The following RARS2 variants were observed in gnomAD, a reference collection of about 807,000 sequenced individuals.
RARS2 encodes arginyl-tRNA synthetase 2, mitochondrial, also known as probable arginine--tRNA ligase, mitochondrial.
In RARS2, 67 loss-of-function variants were observed where a neutral mutation model predicts 88.5. The ratio of observed to expected loss-of-function variants is 0.76; its 90% CI spans 0.62 to 0.93. RARS2 has a LOEUF of 0.93. Among genes scored for constraint, RARS2 ranks in the 40% least tolerant of loss-of-function variants. The pLI, the probability that RARS2 is intolerant of heterozygous loss-of-function variation, is 0.00. For missense variants in RARS2, 664 were observed against 684.2 expected (o/e 0.97, Z 0.33); for synonymous variants, 239 against 230.3 (o/e 1.04, Z -0.34).
In RARS2 at chr6:87,589,949, G is replaced by A. The variant is rs762495974; in HGVS notation, c.9C>T (p.Cys3=). ...GGCAAGCAATAGCGCGGCGAAAGCC[G>A]CACGCCATGTCCACCTCTACGGAAG... MA[C]GFRRAIACQL... is the part of the protein sequence containing the mutation. Residue 3 remains cysteine (C), a synonymous_variant, in exon 1 of 20, where the codon TGC becomes TGT. Coordinates refer to ENST00000369536, the MANE Select transcript of RARS2 (RefSeq NM_020320.5). 1.2e-5 allele frequency: 19 copies of A among 1,609,598 alleles called. No homozygotes were observed. The highest frequency in any genetic ancestry group is 2.2e-5 in the East Asian group (1 of 44,500).
chr6:87,538,205 G>A (rs745426937), intron 8 of RARS2, among the ~76,000 whole-genome samples: 7 of 152,204 alleles, frequency 4.6e-5, no homozygotes, highest in Non-Finnish European at 8.8e-5. Context: ...AAGAGCAACT[G>A]AATACTCTAA....
rs548675653 is a variant in RARS2, at chr6:87,546,878, C to G, written c.452-1179G>C. On this transcript the variant is annotated intron_variant, in intron 6 of 19. Coordinates refer to ENST00000369536, the MANE Select transcript of RARS2 (RefSeq NM_020320.5). Reference sequence around the variant, plus strand: ...TCTATAAAGTCCCTGCAACTGGAACCTGTTTTTCCAGCTGGCACACAGATG... The same window carrying G: ...TCTATAAAGTCCCTGCAACTGGAACGTGTTTTTCCAGCTGGCACACAGATG... Among the ~76,000 whole-genome samples, 3 of 152,290 alleles carry G rather than the reference C, an allele frequency of 2.0e-5. No homozygotes were observed. The South Asian group carries it at 6.2e-4, about 32-fold the overall frequency.
intron 1 of RARS2, among the ~76,000 whole-genome samples, chr6:87,577,891 G>A (rs1328343764): frequency 1.3e-5 from 2 of 152,096 alleles, no homozygotes; most frequent in Non-Finnish European, 2.9e-5. Context: ...TTTTCTTACT[G>A]TAAAAACCTC....
rs537196276 is a variant in RARS2 at position 87,530,813 on chromosome 6, T to C, written c.742A>G (p.Ser248Gly). 6 of 1,614,162 alleles carry C rather than the reference T, an allele frequency of 3.7e-6. No individual in the cohort carries two copies. In the South Asian group the frequency reaches 5.5e-5, roughly 15 times the overall value. The change falls in exon 9 of 20, where the codon AGC (serine) becomes GGC (glycine). Residue 248 changes from serine to glycine, a missense_variant. Coordinates refer to ENST00000369536, the MANE Select transcript of RARS2 (RefSeq NM_020320.5). ...LSLWQKFRDL[S>G]IEEYIRVYKR... ...TAAACCCGAATGTACTCTTCAATGC[T>C]CAAGTCCCGAAATTTTTGCCACAGT...
At chr6:87,576,250 T>C (rs113861370) in intron 1 of RARS2, among the ~76,000 whole-genome samples, 12,706 of 116,308 alleles carry the variant, frequency 0.11, 3,615 homozygotes, top group African/African-American at 0.23. Flanking sequence ...GAGTGACATT[T>C]ACAGGTATAA....
intron 2 of RARS2, among the ~76,000 whole-genome samples, chr6:87,567,122 T>C (rs1175299563): frequency 6.6e-6 from 1 of 151,958 alleles, no homozygotes; most frequent in African/African-American, 2.4e-5. Flanking sequence ...CATGGTGGTG[T>C]GTGCCTGTAA....
intron 2 of RARS2, among the ~76,000 whole-genome samples, chr6:87,565,967 T>C (rs1767736244): frequency 6.6e-6 from 1 of 152,198 alleles, no homozygotes; most frequent in African/African-American, 2.4e-5. Context: ...CAGTCCACAA[T>C]GACCATTAAG....
chr6:87,518,979 A>T, intron 14 of RARS2, 88 bp from the exon 15 acceptor site: 1 of 1,243,500 alleles, frequency 8.0e-7, no homozygotes, highest in Non-Finnish European at 1.2e-6. Flanking sequence ...CCAAAAATGT[A>T]TGCTGACAAT....
intron 2 of RARS2, among the ~76,000 whole-genome samples, chr6:87,568,974 C>T (rs745446959): frequency 5.3e-5 from 8 of 152,112 alleles, no homozygotes; most frequent in Non-Finnish European, 1.0e-4. Context: ...TTTAGGATGA[C>T]CAAACTCACA....
At chr6:87,560,909 C>A (rs1787660733) in intron 4 of RARS2, among the ~76,000 whole-genome samples, 1 of 152,072 alleles carries the variant, frequency 6.6e-6, no homozygotes, top group South Asian at 2.1e-4. Flanking sequence ...ATGCAAATGA[C>A]CATCATCTGA....
At chr6:87,519,253 G>C in intron 14 of RARS2, 1 of 336,330 alleles carries the variant, frequency 3.0e-6, no homozygotes, top group Non-Finnish European at 5.6e-6. Flanking sequence ...TTTTCCAAGG[G>C]TGAAGGTTAA....
In RARS2 at chr6:87,525,836, G is replaced by A. The variant is rs182255715; in HGVS notation, c.879-1184C>T. Reference sequence around the variant, plus strand: ...GCTGGGATTACAGGCGTGAGCCACCGCGCCCAGCCAAATATCAGTAGCATT... The same window carrying A: ...GCTGGGATTACAGGCGTGAGCCACCACGCCCAGCCAAATATCAGTAGCATT... On this transcript the variant is annotated intron_variant, in intron 10 of 19. Transcript: ENST00000369536. Among the ~76,000 whole-genome samples the A allele has an allele frequency of 2.7e-3, 416 of 151,938 alleles. 3 individuals are homozygous for A. Among genetic ancestry groups the A allele is most frequent in the Non-Finnish European group, 4.1e-3 (281 of 67,944 alleles).
At chr6:87,561,032 A>C (rs1270937591) in intron 4 of RARS2, among the ~76,000 whole-genome samples, 1 of 152,224 alleles carries the variant, frequency 6.6e-6, no homozygotes, top group Non-Finnish European at 1.5e-5. Flanking sequence ...TATGTTAGTG[A>C]TTTATATATT....
intron 11 of RARS2, among the ~76,000 whole-genome samples, chr6:87,522,751 A>G (rs996844410): frequency 6.6e-6 from 1 of 152,156 alleles, no homozygotes; most frequent in African/African-American, 2.4e-5. Flanking sequence ...TCGTCCTCCC[A>G]AAGTCCTGAG....
chr6:87,589,695 A>T (rs1776411147), intron 1 of RARS2: 1 of 985,272 alleles, frequency 1.0e-6, no homozygotes, highest in East Asian at 1.1e-4. Flanking sequence ...AGAAAGCACC[A>T]GGTACCTTTC....
intron 4 of RARS2, among the ~76,000 whole-genome samples, chr6:87,560,659 G>A (rs1787556963): frequency 6.6e-6 from 1 of 152,228 alleles, no homozygotes; most frequent in Non-Finnish European, 1.5e-5. Flanking sequence ...AGCACTTTGG[G>A]AGGGTGAGGT....
intron 17 of RARS2, among the ~76,000 whole-genome samples, chr6:87,517,244 C>CTCTA (rs1258301289): frequency 2.6e-5 from 4 of 152,126 alleles, no homozygotes; most frequent in African/African-American, 9.7e-5. Context: ...AGCCACTGTA[C>CTCTA]TCTAGCCTGG....
intron 7 of RARS2, among the ~76,000 whole-genome samples, chr6:87,543,779 A>G (rs2128112529): frequency 6.6e-6 from 1 of 152,348 alleles, no homozygotes. Flanking sequence ...AGGAATATAC[A>G]ATACTTTGGA....
intron 2 of RARS2, among the ~76,000 whole-genome samples, chr6:87,567,398 G>T (rs1231114744): frequency 6.6e-6 from 1 of 152,214 alleles, no homozygotes; most frequent in African/African-American, 2.4e-5. Context: ...ATTCTGAGGA[G>T]TTGTGATATT....
Sources: allele counts gnomAD v4.1 joint callset (sites outside exome capture counted in the v4.1 genomes callset), GRCh38; gene constraint gnomAD v4.1.1; transcripts MANE v1.5; gene names NCBI Gene and HGNC (gene_info 2026-07-23, HGNC 2026-07-21).